Variants in MYO5C observed in about 807,000 individuals in gnomAD.
MYO5C encodes the protein myosin VC, also known as unconventional myosin-Vc.
In MYO5C, 194 loss-of-function variants were observed where a neutral mutation model predicts 235.7. The ratio of observed to expected loss-of-function variants is 0.82; its 90% CI spans 0.73 to 0.93. MYO5C has a LOEUF of 0.93. Among genes scored for constraint, MYO5C ranks in the 40% least tolerant of loss-of-function variants. MYO5C has a pLI of 0.00. For missense variants in MYO5C, 2,038 were observed against 2,127.2 expected (o/e 0.96, Z 0.82); for synonymous variants, 707 against 754.8 (o/e 0.94, Z 1.04).
intron 11 of MYO5C, among the ~76,000 whole-genome samples, chr15:52,255,010 C>A (rs199787552): frequency 6.7e-4 from 97 of 145,752 alleles, no homozygotes; most frequent in Middle Eastern, 3.5e-3. Flanking sequence ...AATTCTGGGC[C>A]AAAAAAAAAA....
chr15:52,201,797 T>C (rs184648461), intron 38 of MYO5C, among the ~76,000 whole-genome samples: 12 of 152,020 alleles, frequency 7.9e-5, no homozygotes, highest in Non-Finnish European at 1.6e-4. Flanking sequence ...TACATGATGG[T>C]AAGATTTCTG....
rs1054037075 is a variant in MYO5C at position 52,278,762 on chromosome 15, CCTAT to C, written c.449+107_449+110del. On this transcript the variant is annotated intron_variant, in intron 4 of 40. Transcript: ENST00000261839. ...CGGCTCAACAAAGCACCACCTCTGG[CCTAT>C]CTCTTTTAATGAGCCCAACCTAGAT... 1.6e-5 allele frequency: 21 copies of C among 1,318,904 alleles called. No homozygotes were observed. In the South Asian group the frequency reaches 1.9e-4, roughly 12 times the overall value. The allele number at this position is 1,318,904 out of a possible 1,614,324, so 81.7% of individuals were successfully genotyped here. A position where few individuals can be genotyped will look rare whatever the true frequency, so the allele number is the denominator to read the frequency against.
chr15:52,217,994 GTTACCCGATT>G (rs1805218871), intron 32 of MYO5C, among the ~76,000 whole-genome samples: 1 of 152,162 alleles, frequency 6.6e-6, no homozygotes, highest in African/African-American at 2.4e-5. Flanking sequence ...TTGATGTAAG[GTTACCCGATT>G]TCATTTTGGT....
chr15:52,231,458 G>A (rs1596167105), intron 24 of MYO5C, among the ~76,000 whole-genome samples: 1 of 152,136 alleles, frequency 6.6e-6, no homozygotes, highest in East Asian at 1.9e-4. Context: ...CCCTGCACGT[G>A]GACAGATGCC....
intron 1 of MYO5C, among the ~76,000 whole-genome samples, chr15:52,286,715 G>A (rs1228700537): frequency 1.3e-5 from 2 of 152,022 alleles, no homozygotes; most frequent in African/African-American, 4.8e-5. Flanking sequence ...TGCAAGATGT[G>A]CTTTGTTAAA....
At chr15:52,195,577 T>G in intron 39 of MYO5C, 120 bp from the exon 40 acceptor site, 1 of 601,958 alleles carries the variant, frequency 1.7e-6, no homozygotes, top group Non-Finnish European at 2.7e-6. Context: ...GCCTATAATT[T>G]GGTTCAGGAA....
intron 1 of MYO5C, among the ~76,000 whole-genome samples, chr15:52,285,448 CTCTCCCTCTCCCG>C (rs2037243674): frequency 2.0e-5 from 3 of 148,852 alleles, no homozygotes; most frequent in Admixed American, 6.7e-5. Flanking sequence ...CCTCTCCCTC[CTCTCCCTCTCCCG>C]TCTCCCTCCT....
At position 52,242,381 on chromosome 15, in the gene MYO5C, C is replaced by G. The variant is rs1489698612; in HGVS notation, c.2391-168G>C. 8.8e-6 allele frequency: 6 copies of G among 678,524 alleles called. No homozygotes were observed. In the African/African-American group the frequency reaches 9.0e-5, roughly 10 times the overall value. 42.0% of individuals were successfully genotyped at this position (678,524 alleles called of 1,614,324 possible). A position where few individuals can be genotyped will look rare whatever the true frequency, so the allele number is the denominator to read the frequency against. On this transcript the variant is annotated intron_variant, in intron 19 of 40. Transcript: ENST00000261839. ...ATTCTAATGCCTACTTGAGGCCAGT[C>G]CCCAGTTCCCTGTCCTTGAGGAACC...
intron 39 of MYO5C, 57 bp downstream of exon 39, chr15:52,196,252 C>T: frequency 1.3e-6 from 2 of 1,483,058 alleles, no homozygotes; most frequent in Non-Finnish European, 1.8e-6. Context: ...AAAGGCAATG[C>T]CCACTGCACT....
In MYO5C at chr15:52,218,610, G is replaced by A; in HGVS notation, c.3863C>T (p.Ala1288Val). Residue 1288 changes from alanine (A) to valine (V), a missense_variant, in exon 32 of 41, where the codon GCC (alanine) becomes GTC (valine). Transcript: ENST00000261839. ...AAATTGTTTCTTCAAGTGGTCACTG[G>A]CCTCCTGCATTTCTTGAATCTTATC... Reference protein sequence around the residue: ...LIDKIQEMQEASDHLKKQFET... With the variant: ...LIDKIQEMQEVSDHLKKQFET... 1 of 1,614,066 alleles carries A rather than the reference G, an allele frequency of 6.2e-7. No homozygotes were observed. Among genetic ancestry groups the A allele is most frequent in the South Asian group, 1.1e-5 (1 of 91,074 alleles).
chr15:52,269,564 TC>T (rs1271644382), intron 8 of MYO5C, among the ~76,000 whole-genome samples, 188 bp downstream of exon 8: 2 of 151,838 alleles, frequency 1.3e-5, no homozygotes, highest in African/African-American at 4.8e-5. Context: ...GGCTAATTTT[TC>T]GTATTTTTAG....
At chr15:52,256,601 G>GCGC (rs71425737) in intron 11 of MYO5C, 38 bp downstream of exon 11, 610 of 1,495,980 alleles carry the variant, frequency 4.1e-4, no homozygotes, top group Non-Finnish European at 5.1e-4. Context: ...GCGCGCGCGC[G>GCGC]GCTGAGAACT....
chr15:52,199,951 G>T (rs1176087289), intron 38 of MYO5C, among the ~76,000 whole-genome samples: 1 of 152,144 alleles, frequency 6.6e-6, no homozygotes. Flanking sequence ...CCACAGAAAG[G>T]GAGGAGCCTG....
chr15:52,249,145 G>A lies in MYO5C; in HGVS notation c.1663-362C>T, dbSNP rs75436710. Among the ~76,000 whole-genome samples, 59 of 152,310 alleles carry A rather than the reference G, an allele frequency of 3.9e-4. No homozygotes were observed. The East Asian group carries it at 8.3e-3, about 21-fold the overall frequency. ...CAGGAGGAGGAAAAAGCTTAGTGGT[G>A]TTCATTGGGTTCAAACAGACATCGT... On this transcript the variant is annotated intron_variant, in intron 13 of 40. Transcript: ENST00000261839.
In MYO5C at chr15:52,256,587, A is replaced by ACG. The variant is rs775479835; in HGVS notation, c.1395+50_1395+51dup. The ACG allele has an allele frequency of 1.4e-3, 804 of 567,612 alleles. 22 individuals carry two copies. The highest frequency in any genetic ancestry group is 5.1e-3 in the Admixed American group (174 of 34,316). The allele number at this position is 567,612 out of a possible 1,614,324, so 35.2% of individuals were successfully genotyped here. On this transcript the variant is annotated intron_variant, in intron 11 of 40. Coordinates refer to ENST00000261839, the MANE Select transcript of MYO5C (RefSeq NM_018728.4). ...AACACACACACACACACACACACACACGCGCGCGCGCGCGGCTGAGAACTA... is the reference window on the plus strand; with the variant it reads ...AACACACACACACACACACACACACACGCGCGCGCGCGCGCGGCTGAGAACTA...
intron 8 of MYO5C, among the ~76,000 whole-genome samples, chr15:52,269,386 ATTTTTTTTT>A (rs71130145): frequency 7.9e-4 from 82 of 103,990 alleles, no homozygotes; most frequent in African/African-American, 2.8e-3. Context: ...CCACCTTTTA[ATTTTTTTTT>A]TTTTTTTTTT....
intron 25 of MYO5C, among the ~76,000 whole-genome samples, chr15:52,227,487 G>A (rs1358608835): frequency 5.3e-5 from 8 of 151,594 alleles, no homozygotes; most frequent in Non-Finnish European, 7.4e-5. Flanking sequence ...CTGAGCCACC[G>A]TGCCCAGCCC....
At chr15:52,293,834 T>G (rs2037445098) in intron 1 of MYO5C, among the ~76,000 whole-genome samples, 2 of 152,198 alleles carry the variant, frequency 1.3e-5, no homozygotes, top group Non-Finnish European at 2.9e-5. Flanking sequence ...CCACCCTTGA[T>G]TCTGCCAGCC....
chr15:52,246,640 A>G (rs1302496454), intron 16 of MYO5C, among the ~76,000 whole-genome samples: 2 of 152,022 alleles, frequency 1.3e-5, no homozygotes, highest in Non-Finnish European at 2.9e-5. Flanking sequence ...AAACACACAT[A>G]CTCATTCTTC....
Sources: allele counts gnomAD v4.1 joint callset (sites outside exome capture counted in the v4.1 genomes callset), GRCh38; gene constraint gnomAD v4.1.1; transcripts MANE v1.5; gene names NCBI Gene and HGNC (gene_info 2026-07-23, HGNC 2026-07-21).